The following GPR89B variants were observed in gnomAD, a reference collection of about 807,000 sequenced individuals.
GPR89B encodes the protein golgi pH regulator B.
GPR89B carries 25 observed loss-of-function variants against 52.4 expected under a neutral mutation model. The observed-to-expected ratio is 0.48, with a 90% CI of 0.35 to 0.67. GPR89B has a LOEUF of 0.67. GPR89B is among the 30% of genes least tolerant of loss of function. The probability of loss-of-function intolerance (pLI) is 0.01; values close to 1 mark genes in which losing one functional copy is unlikely to be tolerated. For missense variants in GPR89B, 146 were observed against 450.2 expected (o/e 0.32, Z 6.11); for synonymous variants, 52 against 151.2 (o/e 0.34, Z 4.81).
rs587665907 is a variant in GPR89B, at chr1:147,949,836, C to T, written c.416-3509C>T. On this transcript the variant is annotated intron_variant, in intron 5 of 13. Transcript: ENST00000314163. ...CTCCCTCCCGGACGGGGCAGCTTGC[C>T]GGGCAGAGGGGCTCCTCACTTCCCA... Among the ~76,000 whole-genome samples, 36 of 141,576 alleles carry T rather than the reference C, an allele frequency of 2.5e-4. No homozygotes were observed. The South Asian group carries it at 6.1e-3, about 24-fold the overall frequency. 92.9% of individuals were successfully genotyped at this position (141,576 alleles called of 152,430 possible).
At chr1:147,970,433 G>A (rs1657331743) in intron 10 of GPR89B, among the ~76,000 whole-genome samples, 1 of 151,804 alleles carries the variant, frequency 6.6e-6, no homozygotes, top group African/African-American at 2.4e-5. Context: ...AGAGGCGGAC[G>A]TTGCAGTGAG....
Position 147,965,513 on chromosome 1 carries a change from C to A in GPR89B, c.618-1041C>A, listed in dbSNP as rs2784309. Among the ~76,000 whole-genome samples, 21 of 152,080 alleles carry A rather than the reference C, an allele frequency of 1.4e-4. No homozygotes were observed. The South Asian group carries it at 1.9e-3, about 14-fold the overall frequency. ...TTTAAATCAATTATGTACAAATGAT[C>A]TTTTATTTTGATCCTCACTAGGACC... On this transcript the variant is annotated intron_variant, in intron 7 of 13. Coordinates refer to ENST00000314163, the MANE Select transcript of GPR89B (RefSeq NM_016334.5).
the GPR89B span, among the ~76,000 whole-genome samples, chr1:148,008,905 C>G: frequency 6.6e-6 from 1 of 152,132 alleles, no homozygotes; most frequent in Non-Finnish European, 1.5e-5. Flanking sequence ...AAGTGAATGA[C>G]TATCTGGGCA....
intron 7 of GPR89B, among the ~76,000 whole-genome samples, chr1:147,963,854 A>G (rs1656823515): frequency 6.6e-6 from 1 of 152,194 alleles, no homozygotes; most frequent in East Asian, 1.9e-4. Context: ...TATCCAGAGA[A>G]ATGAAGATTT....
the GPR89B span, among the ~76,000 whole-genome samples, chr1:147,998,841 ATTGCACTCCAGC>A: frequency 0.022 from 3,260 of 147,998 alleles, 59 homozygotes; most frequent in Non-Finnish European, 0.035. Flanking sequence ...AGAACATACC[ATTGCACTCCAGC>A]TTGGACAACA....
chr1:147,998,045 G>T (rs1316179084), downstream of GPR89B, among the ~76,000 whole-genome samples: 1 of 152,010 alleles, frequency 6.6e-6, no homozygotes, highest in African/African-American at 2.4e-5. Flanking sequence ...TACCGAAGAG[G>T]CATAGAACAG....
At chr1:147,971,148 G>A (rs1657431032) in intron 10 of GPR89B, among the ~76,000 whole-genome samples, 2 of 150,410 alleles carry the variant, frequency 1.3e-5, no homozygotes, top group South Asian at 4.1e-4. Flanking sequence ...AGCGTTTAGG[G>A]AAGCATGTCT....
intron 5 of GPR89B, among the ~76,000 whole-genome samples, chr1:147,952,028 T>G (rs1327756664): frequency 6.8e-6 from 1 of 147,656 alleles, no homozygotes; most frequent in Non-Finnish European, 1.5e-5. Context: ...TGTAGTAGAG[T>G]GAAGGTAGTT....
the GPR89B span, among the ~76,000 whole-genome samples, chr1:148,015,832 A>G: frequency 3.3e-5 from 5 of 150,912 alleles, no homozygotes; most frequent in Non-Finnish European, 7.4e-5. Context: ...ACTCCATCAT[A>G]GTGTTCACAC....
At chr1:147,949,902 G>A (rs1466437810) in intron 5 of GPR89B, among the ~76,000 whole-genome samples, 8 of 128,490 alleles carry the variant, frequency 6.2e-5, no homozygotes, top group Admixed American at 4.4e-4. Flanking sequence ...CCTCCCGGAC[G>A]GGGCGGCTGG....
Position 147,936,201 on chromosome 1 carries a change from G to A in GPR89B, c.43-426G>A, listed in dbSNP as rs587596287. The stretch of plus-strand genomic sequence containing the variant: ...TAATTTTTGTATTTTCAGTAGAGAC[G>A]GTGCTTTGCCATGTTGGCCAGACTG... On this transcript the variant is annotated intron_variant, in intron 1 of 13. Transcript: ENST00000314163. Among the ~76,000 whole-genome samples the A allele has an allele frequency of 6.6e-5, 10 of 152,228 alleles. No individual in the cohort carries two copies. In the South Asian group the frequency reaches 1.9e-3, roughly 28 times the overall value.
In GPR89B at chr1:147,956,863, G is replaced by A. The variant is rs1417768460; in HGVS notation, c.617+2461G>A. 2.9e-3 allele frequency among the ~76,000 whole-genome samples: 445 copies of A among 151,762 alleles called. 1 individual carries two copies. Among genetic ancestry groups the A allele is most frequent in the Non-Finnish European group, 4.7e-3 (322 of 67,976 alleles). The stretch of plus-strand genomic sequence containing the variant: ...AGCAATTCTCCTGCCTCAGCCTCCC[G>A]AGTATCTGGGATTATAGGTGCGCAC... On this transcript the variant is annotated intron_variant, in intron 7 of 13. Coordinates refer to ENST00000314163, the MANE Select transcript of GPR89B (RefSeq NM_016334.5).
the GPR89B span, among the ~76,000 whole-genome samples, chr1:148,012,824 A>T: frequency 6.6e-6 from 1 of 152,006 alleles, no homozygotes. Flanking sequence ...AAGTGTATAC[A>T]TTGATAGGTT....
intron 1 of GPR89B, among the ~76,000 whole-genome samples, chr1:147,931,950 A>G (rs1553247093): frequency 6.6e-6 from 1 of 152,150 alleles, no homozygotes; most frequent in East Asian, 1.9e-4. Context: ...TTCTTTGTCA[A>G]TGTGAAAGGA....
At chr1:147,998,246 T>C (rs1428165065), downstream of GPR89B, among the ~76,000 whole-genome samples, 1 of 145,224 alleles carries the variant, frequency 6.9e-6, no homozygotes, top group Non-Finnish European at 1.5e-5. Flanking sequence ...CAGTGTGGGC[T>C]CTACTTCAAA....
intron 12 of GPR89B, among the ~76,000 whole-genome samples, 193 bp downstream of exon 12, chr1:147,988,714 A>G (rs1340613713): frequency 6.7e-6 from 1 of 148,246 alleles, no homozygotes; most frequent in African/African-American, 2.5e-5. Flanking sequence ...AATACAACAA[A>G]TTAGCTGGGT....
downstream of GPR89B, among the ~76,000 whole-genome samples, chr1:147,997,128 G>T (rs1418758875): frequency 6.6e-6 from 1 of 152,172 alleles, no homozygotes. Context: ...TGACTAGCCG[G>T]TACCTCATGC....
chr1:148,009,701 C>T, the GPR89B span: 3 of 702,176 alleles, frequency 4.3e-6, no homozygotes, highest in Middle Eastern at 4.2e-4. Flanking sequence ...GCTAGTTGAC[C>T]CTTGACACCC....
At chr1:147,931,208 A>C (rs1653570602) in intron 1 of GPR89B, among the ~76,000 whole-genome samples, 1 of 152,040 alleles carries the variant, frequency 6.6e-6, no homozygotes, top group African/African-American at 2.4e-5. Flanking sequence ...GGTGTCTTTT[A>C]TAGTTAATTC....
Sources: allele counts gnomAD v4.1 joint callset (sites outside exome capture counted in the v4.1 genomes callset), GRCh38; gene constraint gnomAD v4.1.1; transcripts MANE v1.5; gene names NCBI Gene and HGNC (gene_info 2026-07-23, HGNC 2026-07-21).